GPR107: variants seen among roughly 807,000 people sequenced by gnomAD.
GPR107 encodes G protein-coupled receptor 107.
GPR107 carries 31 observed loss-of-function variants against 75.5 expected under a neutral mutation model. The observed-to-expected ratio is 0.41, with a 90% CI of 0.31 to 0.55. The LOEUF (loss-of-function observed/expected upper bound fraction) is 0.55, where lower values mean the gene tolerates loss of function less well. Among genes scored for constraint, GPR107 ranks in the 20% least tolerant of loss-of-function variants. The pLI is 0.26. For missense variants in GPR107, 572 were observed against 665.7 expected (o/e 0.86, Z 1.55); for synonymous variants, 267 against 251.3 (o/e 1.06, Z -0.59).
chr9:130,076,105 TGA>T (rs1830344004), intron 2 of GPR107, among the ~76,000 whole-genome samples: 1 of 152,144 alleles, frequency 6.6e-6, no homozygotes, highest in South Asian at 2.1e-4. Flanking sequence ...TTAGCTTAGG[TGA>T]GAGTCACCTT....
intron 1 of GPR107, among the ~76,000 whole-genome samples, chr9:130,069,803 A>G (rs1830156653): frequency 6.6e-6 from 1 of 151,614 alleles, no homozygotes; most frequent in African/African-American, 2.4e-5. Flanking sequence ...CTCTTGCCTC[A>G]GCTTCTCTAG....
intron 1 of GPR107, among the ~76,000 whole-genome samples, chr9:130,056,425 G>C (rs897919927): frequency 5.3e-5 from 8 of 151,798 alleles, no homozygotes; most frequent in Non-Finnish European, 1.2e-4. Context: ...ACTCCAGCCT[G>C]GGCGACAGAG....
chr9:130,084,965 C>T (rs1272275909), intron 6 of GPR107, among the ~76,000 whole-genome samples: 4 of 151,978 alleles, frequency 2.6e-5, no homozygotes, highest in African/African-American at 4.8e-5. Context: ...GAATGCCATA[C>T]GCAAAGACTG....
At chr9:130,107,188 A>G (rs1564677183) in intron 13 of GPR107, among the ~76,000 whole-genome samples, 1 of 152,048 alleles carries the variant, frequency 6.6e-6, no homozygotes, top group East Asian at 1.9e-4. Flanking sequence ...AGTGTTGGGT[A>G]GGGGGTGGTT....
At chr9:130,118,314 C>G (rs1359799868) in intron 14 of GPR107, among the ~76,000 whole-genome samples, 16 of 152,164 alleles carry the variant, frequency 1.1e-4, no homozygotes. Flanking sequence ...GGGAAGTCAG[C>G]TGGGAAGGAG....
intron 17 of GPR107, among the ~76,000 whole-genome samples, chr9:130,130,682 C>T (rs1554898894): frequency 6.6e-6 from 1 of 152,034 alleles, no homozygotes; most frequent in African/African-American, 2.4e-5. Flanking sequence ...CCAGCCTGGC[C>T]AACATGGTGA....
chr9:130,081,671 C>CAA (rs1279109782), intron 5 of GPR107, among the ~76,000 whole-genome samples: 7 of 93,634 alleles, frequency 7.5e-5, no homozygotes, highest in East Asian at 2.9e-4. Context: ...GACTCTGTCT[C>CAA]AAAAAAAAAA....
chr9:130,069,776 C>T (rs1006582077), intron 1 of GPR107, among the ~76,000 whole-genome samples: 1 of 151,986 alleles, frequency 6.6e-6, no homozygotes, highest in Non-Finnish European at 1.5e-5. Context: ...AACTCTGCCT[C>T]CCGGGTTCAA....
intron 14 of GPR107, among the ~76,000 whole-genome samples, chr9:130,116,396 G>C (rs1179756414): frequency 1.3e-5 from 2 of 152,192 alleles, no homozygotes; most frequent in African/African-American, 2.4e-5. Context: ...AGATTCTCTT[G>C]CTGAGAAGGT....
intron 1 of GPR107, among the ~76,000 whole-genome samples, chr9:130,065,002 T>C (rs1830035067): frequency 1.3e-5 from 2 of 152,154 alleles, no homozygotes; most frequent in Non-Finnish European, 2.9e-5. Flanking sequence ...ACTTCTGTGG[T>C]TGTAAGCTAC....
At chr9:130,117,937 T>G (rs552279195) in intron 14 of GPR107, among the ~76,000 whole-genome samples, 1 of 152,286 alleles carries the variant, frequency 6.6e-6, no homozygotes, top group Non-Finnish European at 1.5e-5. Flanking sequence ...CACCCAGCCT[T>G]TTGAGTCATG....
chr9:130,128,688 A>G lies in GPR107; in HGVS notation c.1489A>G (p.Lys497Glu), dbSNP rs2132655087. 6.2e-7 allele frequency: 1 copy of G among 1,611,524 alleles called. No individual in the cohort carries two copies. Among genetic ancestry groups the G allele is most frequent in the South Asian group, 1.1e-5 (1 of 91,022 alleles). ...TLVFFVLTGY[K>E]FRPASDNPYL... ...GGTCTTCTTTGTTCTAACGGGGTAT[A>G]AATTCCGTCCGGCTTCAGATAACCC... The change falls in exon 17 of 18, where the codon AAA becomes GAA. Residue 497 changes from lysine to glutamate, a missense_variant. Lys to Glu is a moderately conservative substitution (Grantham distance 56, BLOSUM62 1). Transcript: ENST00000347136.
chr9:130,092,323 A>T lies in GPR107; in HGVS notation c.805A>T (p.Met269Leu). The change falls in exon 9 of 18, where the codon ATG becomes TTG. Residue 269 changes from methionine to leucine, a missense_variant. Transcript: ENST00000347136. ...TCCTCTCCCCAAATTATACATCTCA[A>T]TGGCCTTTTTCTTCTTTCTTTCTGG... ...EIPLPKLYIS[M>L]AFFFFLSGTI... 4 of 1,608,828 alleles carry T rather than the reference A, an allele frequency of 2.5e-6. No individual in the cohort carries two copies. Among genetic ancestry groups the T allele is most frequent in the Non-Finnish European group, 3.4e-6 (4 of 1,175,210 alleles).
chr9:130,120,225 T>C lies in GPR107; in HGVS notation c.1307-4690T>C, dbSNP rs202107688. Among the ~76,000 whole-genome samples the C allele has an allele frequency of 5.7e-4, 87 of 152,324 alleles. 3 individuals carry two copies. In the East Asian group the frequency reaches 0.015, roughly 26 times the overall value. Reference sequence around the variant, plus strand: ...ACATGGCCTAGCATCTGCGCCGTGGTGATGTTTCTTCACTGGTGCCTGTGT... The same window carrying C: ...ACATGGCCTAGCATCTGCGCCGTGGCGATGTTTCTTCACTGGTGCCTGTGT... On this transcript the variant is annotated intron_variant, in intron 14 of 17. Transcript: ENST00000347136.
At chr9:130,133,497 G>A (rs529199892) in intron 17 of GPR107, among the ~76,000 whole-genome samples, 37 of 152,300 alleles carry the variant, frequency 2.4e-4, no homozygotes, top group South Asian at 6.2e-4. Flanking sequence ...GGGCTGCTAC[G>A]TGGCTCGGGG....
At chr9:130,061,504 C>T (rs1053002075) in intron 1 of GPR107, among the ~76,000 whole-genome samples, 3 of 152,078 alleles carry the variant, frequency 2.0e-5, no homozygotes, top group Non-Finnish European at 2.9e-5. Flanking sequence ...GCAGAGTGAT[C>T]TAGGGGAGAG....
Position 130,109,327 on chromosome 9 carries a change from C to T in GPR107, c.1306+1788C>T, listed in dbSNP as rs972278692. Among the ~76,000 whole-genome samples, 9 of 151,956 alleles carry T rather than the reference C, an allele frequency of 5.9e-5. No homozygotes were observed. The East Asian group carries it at 1.5e-3, about 26-fold the overall frequency. On this transcript the variant is annotated intron_variant, in intron 14 of 17. Transcript: ENST00000347136. ...CTGGGATTACAGGTGCCTGCTACCA[C>T]GCTCAGCTAATTTTTGTGTTTTTAG... is the stretch of plus-strand genomic sequence containing the variant.
At chr9:130,058,003 A>G (rs1010389587) in intron 1 of GPR107, among the ~76,000 whole-genome samples, 7 of 151,782 alleles carry the variant, frequency 4.6e-5, no homozygotes, top group African/African-American at 1.7e-4. Flanking sequence ...TAATTTTTGT[A>G]TTTTTAGTAG....
At chr9:130,099,264 G>T (rs756319859) in intron 9 of GPR107, among the ~76,000 whole-genome samples, 193 bp from the exon 10 acceptor site, 6 of 151,776 alleles carry the variant, frequency 4.0e-5, no homozygotes, top group Non-Finnish European at 7.4e-5. Context: ...GCAGTGAGCC[G>T]TGATGACACC....
Sources: allele counts gnomAD v4.1 joint callset (sites outside exome capture counted in the v4.1 genomes callset), GRCh38; gene constraint gnomAD v4.1.1; transcripts MANE v1.5; gene names NCBI Gene and HGNC (gene_info 2026-07-23, HGNC 2026-07-21).